ACOT9: variants seen among roughly 807,000 people sequenced by gnomAD.
ACOT9 encodes acyl-coenzyme A thioesterase 9, mitochondrial.
ACOT9 carries 34 observed loss-of-function variants against 39.7 expected under a neutral mutation model. The ratio of observed to expected loss-of-function variants is 0.86; its 90% CI spans 0.65 to 1.14. The LOEUF (loss-of-function observed/expected upper bound fraction) is 1.14, where lower values mean the gene tolerates loss of function less well. Ranked by LOEUF, ACOT9 falls within the 50% of genes most tolerant of loss-of-function variation. The pLI is 0.00. For synonymous variants in ACOT9, 110 were observed against 120.5 expected, an observed-to-expected ratio of 0.91 and a Z score of 0.57; for missense variants, 313 against 344.1, an observed-to-expected ratio of 0.91 and a Z score of 0.71.
At chrX:23,734,911 G>T (rs1333966168) in intron 2 of ACOT9, among the ~76,000 whole-genome samples, 1 of 102,493 alleles carries the variant, frequency 9.8e-6, no homozygotes, top group Non-Finnish European at 2.0e-5. Context: ...GAACCTGGGA[G>T]GCGGAGGTTG....
chrX:23,742,460 G>C (rs1363425360), intron 1 of ACOT9, among the ~76,000 whole-genome samples: 1 of 110,709 alleles, frequency 9.0e-6, no homozygotes, highest in African/African-American at 3.3e-5. Context: ...ACACGCTCTG[G>C]AGTCTAAGGC....
chrX:23,704,827 A>T lies in ACOT9; in HGVS notation c.1125T>A (p.Asn375Lys). 8.3e-7 allele frequency: 1 copy of T among 1,210,597 alleles called. No individual in the cohort carries two copies. Among genetic ancestry groups the T allele is most frequent in the Non-Finnish European group, 1.1e-6 (1 of 894,729 alleles). Residue 375 changes from asparagine to lysine, a missense_variant, in exon 15 of 16, where the codon AAT (asparagine) becomes AAA (lysine). Transcript: ENST00000379303. ...FLSSQVCFTQ[N>K]NYIQVRVHSE... ...TGTGTACTCTGACTTGAATATAATTATTCTGAGTAAAGCATACCTAACAGA... is the reference window on the plus strand; with the variant it reads ...TGTGTACTCTGACTTGAATATAATTTTTCTGAGTAAAGCATACCTAACAGA...
rs944747965 is a variant in ACOT9, at chrX:23,703,800, C to A, written c.*94G>T. 2.8e-6 allele frequency: 2 copies of A among 712,688 alleles called. No individual in the cohort carries two copies. The highest frequency in any genetic ancestry group is 5.0e-5 in the South Asian group (2 of 40,287). 58.7% of individuals were successfully genotyped at this position (712,688 alleles called of 1,213,427 possible). A position where few individuals can be genotyped will look rare whatever the true frequency, so the allele number is the denominator to read the frequency against. Reference sequence around the variant, plus strand: ...ACATCCTCCTCCTGTGTGGAGGACACGAAGCAATACTAAAATCAATACACT... The same window carrying A: ...ACATCCTCCTCCTGTGTGGAGGACAAGAAGCAATACTAAAATCAATACACT... On this transcript the variant is annotated 3_prime_UTR_variant, in exon 16 of 16. Transcript: ENST00000379303.
At chrX:23,736,447 T>A (rs927790523) in intron 1 of ACOT9, among the ~76,000 whole-genome samples, 2 of 112,242 alleles carry the variant, frequency 1.8e-5, no homozygotes, top group African/African-American at 6.5e-5. Flanking sequence ...CTTTGAAAAT[T>A]GAATTAGCCC....
chrX:23,711,309 G>A (rs1241815941), intron 9 of ACOT9, among the ~76,000 whole-genome samples: 2 of 110,486 alleles, frequency 1.8e-5, no homozygotes, highest in Non-Finnish European at 3.8e-5. Context: ...GTGACTGAGC[G>A]AGACTCCATC....
intron 9 of ACOT9, among the ~76,000 whole-genome samples, chrX:23,708,936 T>TA (rs1928800230): frequency 8.9e-6 from 1 of 112,215 alleles, no homozygotes; most frequent in African/African-American, 3.2e-5. Flanking sequence ...GTAAGAGAAT[T>TA]ACGCAAATGT....
intron 8 of ACOT9, among the ~76,000 whole-genome samples, chrX:23,718,125 G>A (rs1314567941): frequency 9.0e-6 from 1 of 110,700 alleles, no homozygotes; most frequent in African/African-American, 3.3e-5. Flanking sequence ...GTTACTGTGT[G>A]ATAGGCACTG....
intron 6 of ACOT9, among the ~76,000 whole-genome samples, chrX:23,725,775 C>T (rs189884481): frequency 1.8e-4 from 20 of 111,372 alleles, no homozygotes; most frequent in African/African-American, 6.5e-4. Context: ...TGTGATCACG[C>T]CACTGCACTC....
At chrX:23,730,743 G>A in intron 5 of ACOT9, 73 bp downstream of exon 5, 1 of 1,050,558 alleles carries the variant, frequency 9.5e-7, no homozygotes, top group Non-Finnish European at 1.3e-6. Flanking sequence ...ATTGTATGGT[G>A]TGTGAATTAT....
Position 23,704,740 on chromosome X carries a change from G to A in ACOT9, c.1212C>T (p.Phe404=), listed in dbSNP as rs911815296. 1.9e-5 allele frequency: 23 copies of A among 1,209,846 alleles called. No homozygotes were observed. Among genetic ancestry groups the A allele is most frequent in the Non-Finnish European group, 2.6e-5 (23 of 895,064 alleles). ...HTTTNVFHFT[F]MSEKEVPLVF... ...CCAATGGCACTTCTTTTTCCGACAT[G>A]AACGTGAAATGAAAGACATTGGTGG... Residue 404 remains phenylalanine (F), a synonymous_variant, in exon 15 of 16, where the codon TTC becomes TTT. Coordinates refer to ENST00000379303, the MANE Select transcript of ACOT9 (RefSeq NM_001037171.2).
intron 1 of ACOT9, 63 bp from the exon 2 acceptor site, chrX:23,736,079 C>A: frequency 1.1e-6 from 1 of 933,692 alleles, no homozygotes; most frequent in Non-Finnish European, 1.5e-6. Flanking sequence ...CCCTAAAGAC[C>A]TACCCTCCTC....
chrX:23,727,000 A>G (rs1012223969), intron 6 of ACOT9, among the ~76,000 whole-genome samples: 1 of 111,411 alleles, frequency 9.0e-6, no homozygotes, highest in African/African-American at 3.3e-5. Flanking sequence ...TTGTAGTTTT[A>G]GTAGAGACGG....
intron 8 of ACOT9, among the ~76,000 whole-genome samples, chrX:23,718,370 C>T (rs1929153761): frequency 8.9e-6 from 1 of 111,970 alleles, no homozygotes; most frequent in South Asian, 3.7e-4. Flanking sequence ...AAAAGGATCA[C>T]TCGAGTCATG....
In ACOT9 at chrX:23,730,092, A is replaced by ATT. The variant is rs34896210; in HGVS notation, c.400+433_400+434dup. ...TGACAATTCAGAAGTAGTAGATGCC[A>ATT]TTTTTTTTTTTTTTTTTTGGAGATG... On this transcript the variant is annotated intron_variant, in intron 6 of 15. Coordinates refer to ENST00000379303, the MANE Select transcript of ACOT9 (RefSeq NM_001037171.2). 9.7e-3 allele frequency among the ~76,000 whole-genome samples: 758 copies of ATT among 78,481 alleles called. 26 individuals are homozygous for ATT. Among genetic ancestry groups the ATT allele is most frequent in the Non-Finnish European group, 0.012 (517 of 43,256 alleles). The allele number at this position is 78,481 out of a possible 115,157, so 68.2% of individuals were successfully genotyped here. A position where few individuals can be genotyped will look rare whatever the true frequency, so the allele number is the denominator to read the frequency against.
Position 23,733,167 on chromosome X carries a change from C to T in ACOT9, c.191+5G>A. The T allele has an allele frequency of 8.3e-7, 1 of 1,206,586 alleles. No homozygotes were observed. Among genetic ancestry groups the T allele is most frequent in the Non-Finnish European group, 1.1e-6 (1 of 891,217 alleles). ...AAAAGAATGAATGAAAACAAAGATG[C>T]ATACCTCCAGTTTGTGGATGCTCCT... On this transcript the variant is annotated splice_donor_5th_base_variant and intron_variant, in intron 4 of 15. Coordinates refer to ENST00000379303, the MANE Select transcript of ACOT9 (RefSeq NM_001037171.2).
At chrX:23,716,030 G>A (rs978799212) in intron 8 of ACOT9, among the ~76,000 whole-genome samples, 1 of 112,127 alleles carries the variant, frequency 8.9e-6, no homozygotes, top group African/African-American at 3.2e-5. Flanking sequence ...CGCAGTGGAA[G>A]AGAAAAGACA....
At position 23,730,899 on chromosome X, in the gene ACOT9, C is replaced by G. The variant is rs758833744; in HGVS notation, c.279G>C (p.Lys93Asn). 7 of 1,208,863 alleles carry G rather than the reference C, an allele frequency of 5.8e-6. No individual in the cohort carries two copies. In the East Asian group the frequency reaches 1.8e-4, roughly 31 times the overall value. Reference protein sequence around the residue: ...SQDGLPPRRMKDSYIEVLLPL... With the variant: ...SQDGLPPRRMNDSYIEVLLPL... ...GCAAGAGAACTTCAATATAACTGTC[C>G]TTCATTCTCCTAGGAGGCAGTCCAT... Residue 93 changes from lysine (K) to asparagine (N), a missense_variant, in exon 5 of 16, where the codon AAG becomes AAC. Physicochemically the swap from Lys to Asn is moderately conservative, Grantham distance 94 (BLOSUM62 0). Transcript: ENST00000379303.
intron 1 of ACOT9, among the ~76,000 whole-genome samples, chrX:23,736,680 G>A (rs756067010): frequency 1.2e-4 from 13 of 110,340 alleles, no homozygotes; most frequent in Non-Finnish European, 1.9e-4. Flanking sequence ...TTAGCCGGGC[G>A]TGGTGGCATG....
At position 23,702,788 on chromosome X, in the gene ACOT9, T is replaced by G. The variant is rs1472836918; in HGVS notation, c.*1106A>C. ...CCGAGTGGCCTAACCCTAAGGGGGG[T>G]TACAGAACCTGCCTCATAGTGTTGA... On this transcript the variant is annotated 3_prime_UTR_variant, in exon 16 of 16. Transcript: ENST00000379303. The G allele has an allele frequency of 1.8e-5, 2 of 111,448 alleles. No homozygotes were observed. The highest frequency in any genetic ancestry group is 3.8e-5 in the Non-Finnish European group (2 of 53,119). 9.2% of individuals were successfully genotyped at this position (111,448 alleles called of 1,213,427 possible).
Sources: gnomAD v4.1 joint callset for allele counts (sites outside exome capture counted in the v4.1 genomes callset) on GRCh38, gnomAD v4.1.1 for gene constraint, MANE v1.5 for transcripts, NCBI Gene and HGNC (gene_info 2026-07-23, HGNC 2026-07-21) for gene names.